IRF9: variants seen among roughly 807,000 people sequenced by gnomAD.
IRF9 encodes interferon regulatory factor 9.
IRF9 carries 13 observed loss-of-function variants against 44.1 expected under a neutral mutation model. That is an observed-to-expected ratio of 0.29 (90% confidence interval 0.19 to 0.47). The LOEUF (loss-of-function observed/expected upper bound fraction) is 0.47. IRF9 is among the 20% of genes least tolerant of loss of function. IRF9 has a pLI of 1.00. For synonymous variants in IRF9, 189 were observed against 188.5 expected, an observed-to-expected ratio of 1.00 and a Z score of -0.02; for missense variants, 373 against 496.1, an observed-to-expected ratio of 0.75 and a Z score of 2.36.
intron 2 of IRF9, 78 bp downstream of exon 2, chr14:24,162,402 T>TG (rs777753681): frequency 4.3e-6 from 6 of 1,392,770 alleles, no homozygotes; most frequent in Non-Finnish European, 4.9e-6. Flanking sequence ...CTCGAGCACT[T>TG]GCGTCTGCCT....
At position 24,164,241 on chromosome 14, in the gene IRF9, C is replaced by A; in HGVS notation, c.649+107C>A. The A allele has an allele frequency of 1.0e-6, 1 of 965,876 alleles. No individual in the cohort carries two copies. The highest frequency in any genetic ancestry group is 1.7e-6 in the Non-Finnish European group (1 of 605,034). 59.8% of individuals were successfully genotyped at this position (965,876 alleles called of 1,614,324 possible). On this transcript the variant is annotated intron_variant, in intron 6 of 8. Coordinates refer to ENST00000396864, the MANE Select transcript of IRF9 (RefSeq NM_006084.5). This position sits in a 1 kb window ranked among gnomAD's most constrained non-coding sequence, Gnocchi z 5.2. ...GTCAGGGCTTACAGCAAACTGTACC[C>A]ACATTACCATAGCCCTAGGCAGTGG... is the stretch of plus-strand genomic sequence containing the variant.
chr14:24,163,938 A>C lies in IRF9; in HGVS notation c.556A>C (p.Ser186Arg). ...AGACATTGGGAGCAGCAGCAGCAGC[A>C]GCAGCCCTGAGCCACAGGAAGGTAC... Reference protein sequence around the residue: ...HSDIGSSSSSSSPEPQEVTDT... With the variant: ...HSDIGSSSSSRSPEPQEVTDT... The change falls in exon 5 of 9, where the codon AGC becomes CGC. Residue 186 changes from serine to arginine, a missense_variant. Around this residue, in one of 2 missense-constraint regions of IRF9, gnomAD observed 227 missense variants for 255.3 expected, o/e 0.89. Coordinates refer to ENST00000396864, the MANE Select transcript of IRF9 (RefSeq NM_006084.5). 6.2e-7 allele frequency: 1 copy of C among 1,606,014 alleles called. No individual in the cohort carries two copies. The highest frequency in any genetic ancestry group is 8.5e-7 in the Non-Finnish European group (1 of 1,177,568).
rs776219702 is a variant in IRF9 at position 24,164,023 on chromosome 14, G to A, written c.578-40G>A. On this transcript the variant is annotated intron_variant, in intron 5 of 8. Coordinates refer to ENST00000396864, the MANE Select transcript of IRF9 (RefSeq NM_006084.5). The surrounding 1 kb of genome is among the most constrained non-coding windows in gnomAD (Gnocchi z 5.2). ...ACACCCTCTGGCCCAAGACTCCCCA[G>A]TCCCACTCTGAATGACCAGTGCCTT... 5 of 1,613,420 alleles carry A rather than the reference G, an allele frequency of 3.1e-6. No homozygotes were observed. Among genetic ancestry groups the A allele is most frequent in the Non-Finnish European group, 4.2e-6 (5 of 1,179,448 alleles).
chr14:24,161,684 G>A (rs962108293), intron 1 of IRF9, among the ~76,000 whole-genome samples: 8 of 152,180 alleles, frequency 5.3e-5, no homozygotes, highest in African/African-American at 1.9e-4. Context: ...CCTGGGGCCG[G>A]CAGGGGGTGG....
rs376574898 is a variant in IRF9, at chr14:24,164,181, C to T, written c.649+47C>T. 2 of 1,514,704 alleles carry T rather than the reference C, an allele frequency of 1.3e-6. No homozygotes were observed. Among genetic ancestry groups the T allele is most frequent in the African/African-American group, 2.7e-5 (2 of 72,782 alleles). 93.8% of individuals were successfully genotyped at this position (1,514,704 alleles called of 1,614,324 possible). Reference sequence around the variant, plus strand: ...CTCCTGTGCCCTGTGCCCCTGAGGTCTTCCACCTTTGACTATGCATGCATT... The same window carrying T: ...CTCCTGTGCCCTGTGCCCCTGAGGTTTTCCACCTTTGACTATGCATGCATT... On this transcript the variant is annotated intron_variant, in intron 6 of 8. Transcript: ENST00000396864. This position sits in a 1 kb window ranked among gnomAD's most constrained non-coding sequence, Gnocchi z 5.2.
rs902724133 is a variant in IRF9 at position 24,164,259 on chromosome 14, G to A, written c.649+125G>A. 5.8e-6 allele frequency: 5 copies of A among 860,422 alleles called. No individual in the cohort carries two copies. The highest frequency in any genetic ancestry group is 9.3e-6 in the Non-Finnish European group (5 of 535,438). 53.3% of individuals were successfully genotyped at this position (860,422 alleles called of 1,614,324 possible). ...CTGTACCCACATTACCATAGCCCTA[G>A]GCAGTGGTTTCTAGGTGGCGAGAAT... On this transcript the variant is annotated intron_variant, in intron 6 of 8. Transcript: ENST00000396864. The surrounding 1 kb of genome is among the most constrained non-coding windows in gnomAD (Gnocchi z 5.2).
Position 24,166,542 on chromosome 14 carries a change from A to C in IRF9, c.*346A>C, listed in dbSNP as rs34873496. On this transcript the variant is annotated 3_prime_UTR_variant, in exon 9 of 9. Transcript: ENST00000396864. Reference sequence around the variant, plus strand: ...TCTTAGATATTCACTAAGGACTTAAAATAAAATTTTATTGAAAGAGGAATC... The same window carrying C: ...TCTTAGATATTCACTAAGGACTTAACATAAAATTTTATTGAAAGAGGAATC... 5.4e-3 allele frequency: 2,107 copies of C among 391,582 alleles called. 58 individuals are homozygous for C. The highest frequency in any genetic ancestry group is 2.0e-3 in the South Asian group (28 of 13,696). 24.3% of individuals were successfully genotyped at this position (391,582 alleles called of 1,614,324 possible). A position where few individuals can be genotyped will look rare whatever the true frequency, so the allele number is the denominator to read the frequency against.
chr14:24,166,493 A>G lies in IRF9; in HGVS notation c.*297A>G. 2 of 488,594 alleles carry G rather than the reference A, an allele frequency of 4.1e-6. No homozygotes were observed. Among genetic ancestry groups the G allele is most frequent in the South Asian group, 7.6e-5 (2 of 26,240 alleles). The allele number at this position is 488,594 out of a possible 1,614,324, so 30.3% of individuals were successfully genotyped here. On this transcript the variant is annotated 3_prime_UTR_variant, in exon 9 of 9. Coordinates refer to ENST00000396864, the MANE Select transcript of IRF9 (RefSeq NM_006084.5). ...CCCTCTTCCCTGACCTCCCAACTCT[A>G]AAGCCAAGCACTTTATATTTTCCTC...
Position 24,163,001 on chromosome 14 carries a change from G to A in IRF9, c.216G>A (p.Gly72=), listed in dbSNP as rs955600588. Residue 72 remains glycine (G), a synonymous_variant, in exon 3 of 9, where the codon GGG becomes GGA. Coordinates refer to ENST00000396864, the MANE Select transcript of IRF9 (RefSeq NM_006084.5). ...WAIFKGKYKE[G]DTGGPAVWKT... ...TATTTAAGGGAAAGTATAAGGAGGG[G>A]GACACAGGAGGTCCAGCTGTCTGGA... The A allele has an allele frequency of 6.2e-7, 1 of 1,613,874 alleles. No homozygotes were observed. Among genetic ancestry groups the A allele is most frequent in the African/African-American group, 1.3e-5 (1 of 74,878 alleles).
At position 24,164,993 on chromosome 14, in the gene IRF9, C is replaced by A. The variant is rs371963099; in HGVS notation, c.991+38C>A. Reference sequence around the variant, plus strand: ...TCTCTGGGCACATGAGCTTCCACCCCCTACCTCTTAGTACCCCCTGGGCCC... The same window carrying A: ...TCTCTGGGCACATGAGCTTCCACCCACTACCTCTTAGTACCCCCTGGGCCC... On this transcript the variant is annotated intron_variant, in intron 7 of 8. Transcript: ENST00000396864. This position sits in a 1 kb window ranked among gnomAD's most constrained non-coding sequence, Gnocchi z 5.2. 6.3e-7 allele frequency: 1 copy of A among 1,596,978 alleles called. No homozygotes were observed. Among genetic ancestry groups the A allele is most frequent in the South Asian group, 1.1e-5 (1 of 90,610 alleles).
In IRF9 at chr14:24,166,307, T is replaced by A. The variant is rs2038522116; in HGVS notation, c.*111T>A. On this transcript the variant is annotated 3_prime_UTR_variant, in exon 9 of 9. Transcript: ENST00000396864. Reference sequence around the variant, plus strand: ...CCTCTTTGTGATAATTCTCAGTAGTTGTCCGTGATAATCGTGTCCTGAAAA... The same window carrying A: ...CCTCTTTGTGATAATTCTCAGTAGTAGTCCGTGATAATCGTGTCCTGAAAA... 1.0e-6 allele frequency: 1 copy of A among 959,326 alleles called. No homozygotes were observed. The highest frequency in any genetic ancestry group is 1.6e-5 in the African/African-American group (1 of 62,036). 59.4% of individuals were successfully genotyped at this position (959,326 alleles called of 1,614,324 possible).
rs774423471 is a variant in IRF9, at chr14:24,163,070, G to A, written c.285G>A (p.Lys95=). 8 of 1,614,188 alleles carry A rather than the reference G, an allele frequency of 5.0e-6. No individual in the cohort carries two copies. In the East Asian group the frequency reaches 1.8e-4, roughly 36 times the overall value. ...RCALNKSSEF[K]EVPERGRMDV... ...CACTCAACAAGAGTTCTGAATTTAA[G>A]GAGGTTCCTGAGAGGGGCCGCATGG... The change falls in exon 3 of 9, where the codon AAG becomes AAA. Residue 95 remains lysine, a synonymous_variant. Transcript: ENST00000396864.
Position 24,163,046 on chromosome 14 carries a change from A to G in IRF9, c.261A>G (p.Ala87=). ...PAVWKTRLRC[A]LNKSSEFKEV... is the part of the protein sequence containing the mutation. ...TCTGGAAGACTCGCCTGCGCTGTGC[A>G]CTCAACAAGAGTTCTGAATTTAAGG... Residue 87 remains alanine, a synonymous_variant, in exon 3 of 9, where the codon GCA becomes GCG. Coordinates refer to ENST00000396864, the MANE Select transcript of IRF9 (RefSeq NM_006084.5). The G allele has an allele frequency of 1.2e-6, 2 of 1,614,106 alleles. No individual in the cohort carries two copies. Among genetic ancestry groups the G allele is most frequent in the Middle Eastern group, 1.7e-4 (1 of 6,048 alleles).
At chr14:24,161,994 A>G (rs761907538) in intron 1 of IRF9, 150 bp from the exon 2 acceptor site, 18 of 704,644 alleles carry the variant, frequency 2.6e-5, no homozygotes, top group Non-Finnish European at 4.2e-5. Context: ...ATTCTGTCCC[A>G]TAGAGTGTTG....
At chr14:24,161,507 A>G (rs1433651327) in intron 1 of IRF9, among the ~76,000 whole-genome samples, 169 bp downstream of exon 1, 2 of 152,230 alleles carry the variant, frequency 1.3e-5, no homozygotes, top group Admixed American at 1.3e-4. Context: ...GACAAGGGCC[A>G]GCTCCCCAGA....
chr14:24,163,594 T>C (rs1594389411), intron 4 of IRF9, 86 bp downstream of exon 4: 1 of 1,492,346 alleles, frequency 6.7e-7, no homozygotes, highest in African/African-American at 1.4e-5. Context: ...CACTGTGTCT[T>C]GGGAGGCCGA....
intron 3 of IRF9, 36 bp from the exon 4 acceptor site, chr14:24,163,342 A>C (rs1437286129): frequency 1.4e-5 from 23 of 1,605,882 alleles, no homozygotes; most frequent in Non-Finnish European, 1.9e-5. Flanking sequence ...CTTGCTCAAG[A>C]CCCTGACCTT....
At position 24,162,315 on chromosome 14, in the gene IRF9, C is replaced by G. The variant is rs755843887; in HGVS notation, c.171C>G (p.Ala57=). The change falls in exon 2 of 9, where the codon GCC becomes GCG. Residue 57 remains alanine (A), a synonymous_variant. Coordinates refer to ENST00000396864, the MANE Select transcript of IRF9 (RefSeq NM_006084.5). The part of the protein sequence containing the change: ...KQDFREDQDA[A]FFKAWAIFKG... ...ACTTCCGGGAGGACCAGGATGCTGC[C>G]TTCTTCAAGGTGAAAGGGCCTGGAA... 4 of 1,613,646 alleles carry G rather than the reference C, an allele frequency of 2.5e-6. No individual in the cohort carries two copies. The highest frequency in any genetic ancestry group is 1.3e-5 in the African/African-American group (1 of 75,014).
At chr14:24,166,021 A>G (rs2038517423) in intron 8 of IRF9, 59 bp downstream of exon 8, 2 of 1,579,636 alleles carry the variant, frequency 1.3e-6, no homozygotes, top group Non-Finnish European at 1.7e-6. Flanking sequence ...GTGGTGCTCC[A>G]GGAGGCAAAG....
Sources: allele counts gnomAD v4.1 joint callset (sites outside exome capture counted in the v4.1 genomes callset), GRCh38; gene constraint gnomAD v4.1.1; regional missense constraint gnomAD v4.1.1; non-coding constraint Gnocchi (gnomAD v3.1); transcripts MANE v1.5; gene names NCBI Gene and HGNC (gene_info 2026-07-23, HGNC 2026-07-21).